Variants in BBS9 observed in about 807,000 individuals in gnomAD.
The protein encoded by BBS9 is Bardet-Biedl syndrome 9, also known as protein PTHB1.
In BBS9, 89 loss-of-function variants were observed where a neutral mutation model predicts 117.7. The ratio of observed to expected loss-of-function variants is 0.76; its 90% CI spans 0.64 to 0.90. The LOEUF is 0.90. BBS9 is among the 40% of genes least tolerant of loss of function. The pLI, the probability that BBS9 is intolerant of heterozygous loss-of-function variation, is 0.00. For missense variants in BBS9, 982 were observed against 1,042.2 expected, an observed-to-expected ratio of 0.94 and a Z score of 0.80; for synonymous variants, 379 against 370.9, an observed-to-expected ratio of 1.02 and a Z score of -0.25.
chr7:33,220,532 C>A (rs1894873), intron 5 of BBS9, among the ~76,000 whole-genome samples: 125,530 of 152,212 alleles, frequency 0.82, 51,778 homozygotes, highest in Admixed American at 0.86. Flanking sequence ...TACTTTGTAC[C>A]TAATGTGTGC....
intron 20 of BBS9, among the ~76,000 whole-genome samples, chr7:33,529,437 C>T (rs573290831): frequency 8.5e-5 from 13 of 152,234 alleles, no homozygotes; most frequent in African/African-American, 3.1e-4. Context: ...AAGCCAAGGT[C>T]TGGAAACAAA....
rs779072984 is a variant in BBS9 at position 33,349,058 on chromosome 7, G to T, written c.1330-10G>T. The T allele has an allele frequency of 1.0e-5, 16 of 1,564,234 alleles. No individual in the cohort carries two copies. Among genetic ancestry groups the T allele is most frequent in the Admixed American group, 1.7e-5 (1 of 59,910 alleles). ...TAATTTTCTATTGATAACAATTTCT[G>T]TTTCCTTAGGTCACACTGCAGAACA... On this transcript the variant is annotated splice_polypyrimidine_tract_variant and intron_variant, in intron 12 of 22. Coordinates refer to ENST00000242067, the MANE Select transcript of BBS9 (RefSeq NM_198428.3).
At chr7:33,200,764 CT>C (rs1785709527) in intron 5 of BBS9, among the ~76,000 whole-genome samples, 1 of 152,024 alleles carries the variant, frequency 6.6e-6, no homozygotes, top group Non-Finnish European at 1.5e-5. Flanking sequence ...TTGTTTTGCT[CT>C]TTTGTTTTTC....
chr7:33,446,827 G>A (rs1224118822), intron 19 of BBS9, among the ~76,000 whole-genome samples: 1 of 152,102 alleles, frequency 6.6e-6, no homozygotes, highest in South Asian at 2.1e-4. Context: ...TCCCCAATTC[G>A]ATTCTGATGT....
At chr7:33,374,866 A>C (rs1431514293) in intron 17 of BBS9, among the ~76,000 whole-genome samples, 1 of 139,804 alleles carries the variant, frequency 7.2e-6, no homozygotes, top group Non-Finnish European at 1.5e-5. Flanking sequence ...ATGCCATTGC[A>C]CTCCAGCCTG....
intron 9 of BBS9, among the ~76,000 whole-genome samples, chr7:33,305,546 C>G (rs1807711659): frequency 6.6e-6 from 1 of 152,076 alleles, no homozygotes; most frequent in Non-Finnish European, 1.5e-5. Flanking sequence ...CCAGGCATTT[C>G]TTTACTAGAA....
intron 19 of BBS9, among the ~76,000 whole-genome samples, chr7:33,468,122 G>T (rs1840450752): frequency 6.6e-6 from 1 of 152,138 alleles, no homozygotes; most frequent in South Asian, 2.1e-4. Flanking sequence ...CTAGAAAATA[G>T]TAGGAGGAAG....
intron 19 of BBS9, among the ~76,000 whole-genome samples, chr7:33,404,252 T>C (rs1264052302): frequency 6.6e-6 from 1 of 152,138 alleles, no homozygotes; most frequent in East Asian, 1.9e-4. Context: ...TGTAGCCTTG[T>C]AGTATAGTTT....
chr7:33,617,625 A>G (rs753488994), intron 21 of BBS9, among the ~76,000 whole-genome samples: 26 of 152,244 alleles, frequency 1.7e-4, no homozygotes, highest in Non-Finnish European at 3.2e-4. Flanking sequence ...GAACTGCAAG[A>G]AAACACAGTA....
chr7:33,146,211 A>G, intron 1 of BBS9, 31 bp from the exon 2 acceptor site: 2 of 1,420,564 alleles, frequency 1.4e-6, no homozygotes, highest in Middle Eastern at 1.8e-4. Flanking sequence ...TCATAGTGTG[A>G]AGTAGATTAT....
chr7:33,139,281 CA>C (rs199766750), intron 1 of BBS9, among the ~76,000 whole-genome samples: 2 of 150,738 alleles, frequency 1.3e-5, no homozygotes, highest in Non-Finnish European at 1.5e-5. Flanking sequence ...CAAAACAAAA[CA>C]AAAAAACAAG....
intron 20 of BBS9, among the ~76,000 whole-genome samples, chr7:33,522,644 T>C (rs1848814148): frequency 6.6e-6 from 1 of 151,452 alleles, no homozygotes; most frequent in South Asian, 2.1e-4. Flanking sequence ...ATTCTGGATA[T>C]TAGCCCTTTG....
intron 4 of BBS9, among the ~76,000 whole-genome samples, chr7:33,156,711 T>C (rs1245280001): frequency 2.0e-5 from 3 of 152,200 alleles, no homozygotes; most frequent in Non-Finnish European, 2.9e-5. Context: ...GCTGAGGCAA[T>C]TGACAGTGGC....
chr7:33,226,220 A>C (rs966824827), intron 5 of BBS9, among the ~76,000 whole-genome samples: 3 of 152,148 alleles, frequency 2.0e-5, no homozygotes, highest in Non-Finnish European at 4.4e-5. Flanking sequence ...TCTCATCTCT[A>C]TAGTGGAGAT....
At chr7:33,177,389 A>G (rs1562740873) in intron 4 of BBS9, 89 bp from the exon 5 acceptor site, 1 of 878,728 alleles carries the variant, frequency 1.1e-6, no homozygotes, top group African/African-American at 1.7e-5. Context: ...TTTCCCTAAA[A>G]TTACTTAGAA....
At chr7:33,506,208 A>C (rs2392242) in intron 20 of BBS9, among the ~76,000 whole-genome samples, 1 of 152,030 alleles carries the variant, frequency 6.6e-6, no homozygotes, top group African/African-American at 2.4e-5. Context: ...TTTTCAGGAA[A>C]GGATTATTTA....
intron 19 of BBS9, among the ~76,000 whole-genome samples, chr7:33,442,794 A>C (rs933575916): frequency 6.6e-6 from 1 of 152,206 alleles, no homozygotes; most frequent in African/African-American, 2.4e-5. Context: ...GGTGTTTATC[A>C]GATTTCTTTA....
intron 19 of BBS9, among the ~76,000 whole-genome samples, chr7:33,479,534 C>T (rs1842242216): frequency 1.3e-5 from 2 of 152,042 alleles, no homozygotes; most frequent in South Asian, 4.1e-4. Flanking sequence ...TGCATTGATT[C>T]CATGTCTTTG....
intron 9 of BBS9, among the ~76,000 whole-genome samples, chr7:33,318,555 T>C (rs1475964128): frequency 6.6e-6 from 1 of 152,170 alleles, no homozygotes; most frequent in Non-Finnish European, 1.5e-5. Flanking sequence ...CTACTTTACT[T>C]TTTAAATAAA....
Sources: allele counts gnomAD v4.1 joint callset (sites outside exome capture counted in the v4.1 genomes callset), GRCh38; gene constraint gnomAD v4.1.1; transcripts MANE v1.5; gene names NCBI Gene and HGNC (gene_info 2026-07-23, HGNC 2026-07-21).